The following IL7 variants were observed in gnomAD, a reference collection of about 807,000 sequenced individuals.
IL7 encodes the protein interleukin 7, also known as interleukin-7.
A neutral mutation model predicts 21.6 loss-of-function variants in IL7; 3 were observed. The observed-to-expected ratio is 0.14, with a 90% CI of 0.06 to 0.36. The LOEUF is 0.36. IL7 is among the 10% of genes least tolerant of loss of function. The pLI, the probability that IL7 is intolerant of heterozygous loss-of-function variation, is 1.00. For synonymous variants in IL7, 62 were observed against 68.1 expected (o/e 0.91, Z 0.44); for missense variants, 175 against 200.2 (o/e 0.87, Z 0.76).
intron 3 of IL7, among the ~76,000 whole-genome samples, chr8:78,688,599 C>T (rs1444551420): frequency 6.6e-6 from 1 of 152,016 alleles, no homozygotes; most frequent in Non-Finnish European, 1.5e-5. Context: ...GGAATAATTT[C>T]AAAAGAAGTT....
chr8:78,796,161 C>T (rs1813846686), intron 2 of IL7, among the ~76,000 whole-genome samples: 1 of 151,944 alleles, frequency 6.6e-6, no homozygotes, highest in African/African-American at 2.4e-5. Flanking sequence ...ACATGATTGT[C>T]TATGTAGAAA....
At chr8:78,686,587 C>T in intron 3 of IL7, 1 of 1,526,208 alleles carries the variant, frequency 6.6e-7, no homozygotes, top group Admixed American at 2.0e-5. Flanking sequence ...TCCTCCTCCT[C>T]CTCCACCTTC....
intron 2 of IL7, among the ~76,000 whole-genome samples, chr8:78,751,987 G>A (rs1248937607): frequency 1.3e-5 from 2 of 152,026 alleles, no homozygotes; most frequent in Non-Finnish European, 2.9e-5. Context: ...ACTCAATTAT[G>A]TTTTAGCTCC....
At chr8:78,760,729 A>G in intron 2 of IL7, 1 of 1,569,816 alleles carries the variant, frequency 6.4e-7, no homozygotes. Context: ...AGGTTAGCTG[A>G]GATTCCAAGT....
chr8:78,740,010 C>A lies in IL7; in HGVS notation c.220G>T (p.Ala74Ser), dbSNP rs770481768. ...CAAATAATTATCATTACCTTATTAG[C>A]ATCACAGATATGTCTTTTAAAAAAG... is the stretch of plus-strand genomic sequence containing the variant. ...FNFFKRHICDANKEGMFLFRA... is the reference protein window; with the variant it reads ...FNFFKRHICDSNKEGMFLFRA... The change falls in exon 3 of 6, where the codon GCT becomes TCT. Residue 74 changes from alanine to serine, a missense_variant. Physicochemically the swap from Ala to Ser is moderately conservative, Grantham distance 99. Transcript: ENST00000263851. 24 of 1,529,786 alleles carry A rather than the reference C, an allele frequency of 1.6e-5. No homozygotes were observed. Among genetic ancestry groups the A allele is most frequent in the Non-Finnish European group, 1.9e-5 (22 of 1,145,850 alleles). 94.8% of individuals were successfully genotyped at this position (1,529,786 alleles called of 1,614,324 possible).
chr8:78,684,650 G>A (rs1322989071), intron 4 of IL7, among the ~76,000 whole-genome samples: 4 of 152,118 alleles, frequency 2.6e-5, no homozygotes, highest in Non-Finnish European at 4.4e-5. Context: ...CAAACAACAG[G>A]AGTAAAGGGA....
intron 2 of IL7, among the ~76,000 whole-genome samples, chr8:78,779,870 G>A (rs1421339209): frequency 6.6e-6 from 1 of 151,798 alleles, no homozygotes; most frequent in Non-Finnish European, 1.5e-5. Context: ...CTGGTCGCGG[G>A]TTTTCTTGGT....
chr8:78,694,105 G>A (rs1227201700), intron 3 of IL7, among the ~76,000 whole-genome samples: 1 of 151,632 alleles, frequency 6.6e-6, no homozygotes, highest in Non-Finnish European at 1.5e-5. Context: ...TCTGTTTTGT[G>A]TTTTTAATTT....
intron 2 of IL7, among the ~76,000 whole-genome samples, chr8:78,790,830 A>T (rs962922561): frequency 6.6e-6 from 1 of 152,142 alleles, no homozygotes; most frequent in Non-Finnish European, 1.5e-5. Flanking sequence ...AAATGGAACA[A>T]AAATCCCATG....
At chr8:78,749,531 G>A (rs1812098845) in intron 2 of IL7, among the ~76,000 whole-genome samples, 1 of 152,158 alleles carries the variant, frequency 6.6e-6, no homozygotes, top group African/African-American at 2.4e-5. Context: ...TACTGAAGCA[G>A]AGATCCATGA....
At chr8:78,680,450 A>G (rs1809741556) in intron 4 of IL7, among the ~76,000 whole-genome samples, 1 of 152,092 alleles carries the variant, frequency 6.6e-6, no homozygotes, top group South Asian at 2.1e-4. Context: ...TCCCAAACAT[A>G]CTGAATTAGA....
chr8:78,723,497 A>G (rs1811285128), intron 3 of IL7, among the ~76,000 whole-genome samples: 1 of 152,024 alleles, frequency 6.6e-6, no homozygotes, highest in South Asian at 2.1e-4. Flanking sequence ...CTAGTTTGCC[A>G]CTGGTAGCAC....
exon 5 of IL7, chr8:78,675,963 T>G (rs1373711394): frequency 9.7e-7 from 1 of 1,036,168 alleles, no homozygotes; most frequent in African/African-American, 1.6e-5. Context: ...GAATAGTTTT[T>G]GAAGAGTTAA....
At chr8:78,722,900 C>T (rs899010332) in intron 3 of IL7, among the ~76,000 whole-genome samples, 3 of 151,548 alleles carry the variant, frequency 2.0e-5, no homozygotes, top group African/African-American at 7.3e-5. Context: ...ACTTGCAAAG[C>T]TCAAAAGGTA....
rs1443624355 is a variant in IL7, at chr8:78,732,933, A to G, written c.*780T>C. 6.7e-6 allele frequency: 1 copy of G among 149,358 alleles called. No individual in the cohort carries two copies. The allele number at this position is 149,358 out of a possible 1,614,324, so 9.3% of individuals were successfully genotyped here. A position where few individuals can be genotyped will look rare whatever the true frequency, so the allele number is the denominator to read the frequency against. ...ACATATATTATTATCTTAAAAATAT[A>G]TCTCCCAAATTGCAAACTTATTTAG... On this transcript the variant is annotated 3_prime_UTR_variant, in exon 6 of 6. Transcript: ENST00000263851.
At chr8:78,787,675 T>C (rs1416305277) in intron 2 of IL7, among the ~76,000 whole-genome samples, 2 of 152,198 alleles carry the variant, frequency 1.3e-5, no homozygotes, top group East Asian at 1.9e-4. Context: ...TTGCTTTTCA[T>C]AGAGACTACC....
At chr8:78,677,863 TAGACAGAGCAGCCCTGAAGGCTG>T (rs1809633065) in intron 4 of IL7, among the ~76,000 whole-genome samples, 2 of 152,186 alleles carry the variant, frequency 1.3e-5, no homozygotes, top group Non-Finnish European at 2.9e-5. Context: ...GGGTACTCCA[TAGACAGAGCAGCCCTGAAGGCTG>T]CTGGTTGCCC....
chr8:78,746,294 T>G (rs1194552377), intron 2 of IL7, among the ~76,000 whole-genome samples: 5 of 152,234 alleles, frequency 3.3e-5, no homozygotes, highest in African/African-American at 1.2e-4. Flanking sequence ...AGTCAAGATG[T>G]TGGTCATGTC....
intron 2 of IL7, among the ~76,000 whole-genome samples, chr8:78,741,132 G>A (rs1337817723): frequency 6.6e-6 from 1 of 152,106 alleles, no homozygotes; most frequent in African/African-American, 2.4e-5. Flanking sequence ...ATCCTCATCT[G>A]CCTCTCAGAA....
Sources: allele counts gnomAD v4.1 joint callset (sites outside exome capture counted in the v4.1 genomes callset), GRCh38; gene constraint gnomAD v4.1.1; transcripts MANE v1.5; gene names NCBI Gene and HGNC (gene_info 2026-07-23, HGNC 2026-07-21).